RPS6KA2: variants seen among roughly 807,000 people sequenced by gnomAD.
RPS6KA2 encodes the protein ribosomal protein S6 kinase A2, also known as ribosomal protein S6 kinase alpha-2.
Under a neutral mutation model 91.8 loss-of-function variants are expected in RPS6KA2, and 42 were observed. The ratio of observed to expected loss-of-function variants is 0.46; its 90% CI spans 0.36 to 0.59. The LOEUF (loss-of-function observed/expected upper bound fraction) is 0.59. Ranked by LOEUF, RPS6KA2 falls within the 20% of genes least tolerant of loss-of-function variation. The pLI is 0.00. For missense variants in RPS6KA2, 798 were observed against 978.5 expected, an observed-to-expected ratio of 0.82 and a Z score of 2.46; for synonymous variants, 414 against 393.6, an observed-to-expected ratio of 1.05 and a Z score of -0.61.
Position 166,710,493 on chromosome 6 carries a change from T to C in RPS6KA2, c.123+147707A>G, listed in dbSNP as rs909161748. ...ATGGTATGTGTTGTGTGAGTGTGTG[T>C]GTGTGTGTGTGTGTGTGGTGTGTGT... is the stretch of plus-strand genomic sequence containing the variant. On this transcript the variant is annotated intron_variant, in intron 2 of 21. Transcript: ENST00000503859. Among the ~76,000 whole-genome samples the C allele has an allele frequency of 2.7e-5, 4 of 150,692 alleles. No individual in the cohort carries two copies. In the East Asian group the frequency reaches 7.8e-4, roughly 29 times the overall value.
intron 2 of RPS6KA2, among the ~76,000 whole-genome samples, chr6:166,538,015 C>A (rs1273517379): frequency 6.6e-6 from 1 of 152,210 alleles, no homozygotes; most frequent in Non-Finnish European, 1.5e-5. Flanking sequence ...AAGAAATTAG[C>A]TTTTATTGCT....
chr6:166,427,590 C>A (rs1179383564), intron 16 of RPS6KA2, among the ~76,000 whole-genome samples: 1 of 152,184 alleles, frequency 6.6e-6, no homozygotes, highest in Non-Finnish European at 1.5e-5. Context: ...AGCTGATAAG[C>A]AACTTCAGCA....
At chr6:166,497,479 C>G (rs1453570794) in intron 8 of RPS6KA2, among the ~76,000 whole-genome samples, 1 of 152,240 alleles carries the variant, frequency 6.6e-6, no homozygotes, top group African/African-American at 2.4e-5. Context: ...CGGAGCTGGT[C>G]TAATGTGTGT....
intron 2 of RPS6KA2, among the ~76,000 whole-genome samples, chr6:166,822,227 G>A (rs1779922376): frequency 6.6e-6 from 1 of 152,214 alleles, no homozygotes. Flanking sequence ...TTCCTGCATT[G>A]AAGTCCCGAC....
intron 2 of RPS6KA2, among the ~76,000 whole-genome samples, chr6:166,778,703 TTG>T (rs1192961103): frequency 6.6e-6 from 1 of 152,002 alleles, no homozygotes; most frequent in Non-Finnish European, 1.5e-5. Flanking sequence ...GAGGCAGAGG[TTG>T]CAGTGAGCCA....
At chr6:166,773,472 G>A (rs1778533347) in intron 2 of RPS6KA2, among the ~76,000 whole-genome samples, 1 of 152,030 alleles carries the variant, frequency 6.6e-6, no homozygotes, top group Non-Finnish European at 1.5e-5. Flanking sequence ...TGCAGTCTTG[G>A]CTCACTGCAA....
Position 166,824,576 on chromosome 6 carries a change from GTGTC to G in RPS6KA2, c.123+33620_123+33623del, listed in dbSNP as rs748619019. 9.9e-5 allele frequency among the ~76,000 whole-genome samples: 15 copies of G among 152,088 alleles called. No homozygotes were observed. The East Asian group carries it at 2.7e-3, about 27-fold the overall frequency. On this transcript the variant is annotated intron_variant, in intron 2 of 21. Transcript: ENST00000503859. ...TATATGTGTGTGTCTATGTGTGTCT[GTGTC>G]TGTGTGTGTGTGTCTGCATGTCTAA...
chr6:166,813,207 G>C (rs558272327), intron 2 of RPS6KA2, among the ~76,000 whole-genome samples: 4 of 152,114 alleles, frequency 2.6e-5, no homozygotes, highest in African/African-American at 4.8e-5. Context: ...TTTAACAAGC[G>C]GAAGCCAGCA....
intron 2 of RPS6KA2, among the ~76,000 whole-genome samples, chr6:166,657,618 G>A (rs967092669): frequency 1.1e-4 from 17 of 152,160 alleles, no homozygotes; most frequent in African/African-American, 3.4e-4. Context: ...CAGAGCATTC[G>A]ACAGATGATT....
At chr6:166,643,178 T>C (rs927920856) in intron 2 of RPS6KA2, among the ~76,000 whole-genome samples, 2 of 152,256 alleles carry the variant, frequency 1.3e-5, no homozygotes, top group African/African-American at 4.8e-5. Context: ...GGCTAATTAG[T>C]AGTTTGTAAG....
At chr6:166,658,119 T>C (rs892827908) in intron 2 of RPS6KA2, among the ~76,000 whole-genome samples, 3 of 152,166 alleles carry the variant, frequency 2.0e-5, no homozygotes, top group African/African-American at 7.2e-5. Flanking sequence ...CGACCTCAGG[T>C]GATTCGCCCA....
intron 2 of RPS6KA2, among the ~76,000 whole-genome samples, chr6:166,803,688 G>C (rs764725898): frequency 7.9e-5 from 12 of 152,142 alleles, no homozygotes; most frequent in Non-Finnish European, 1.2e-4. Flanking sequence ...TGTCAAGCAG[G>C]AAACCCCACA....
chr6:166,610,020 A>AT (rs1175506764), intron 1 of RPS6KA2, among the ~76,000 whole-genome samples: 9 of 151,920 alleles, frequency 5.9e-5, no homozygotes, highest in East Asian at 1.9e-4. Flanking sequence ...TCTCATCTTG[A>AT]TTTTTTTCTC....
chr6:166,636,492 A>T (rs182700253), intron 2 of RPS6KA2, among the ~76,000 whole-genome samples: 9 of 152,310 alleles, frequency 5.9e-5, no homozygotes, highest in Non-Finnish European at 1.3e-4. Flanking sequence ...AACTTCTGAT[A>T]ATATGTGATT....
intron 1 of RPS6KA2, among the ~76,000 whole-genome samples, chr6:166,609,461 C>G (rs1786080440): frequency 6.6e-6 from 1 of 151,784 alleles, no homozygotes; most frequent in South Asian, 2.1e-4. Flanking sequence ...ATATCAATGA[C>G]TCAGGAGCAC....
At chr6:166,424,464 T>C (rs1163729121) in intron 16 of RPS6KA2, among the ~76,000 whole-genome samples, 2 of 151,558 alleles carry the variant, frequency 1.3e-5, no homozygotes, top group East Asian at 3.9e-4. Context: ...CAGTATTTCC[T>C]GCTTCAGGAG....
At chr6:166,795,685 G>A (rs777548688) in intron 2 of RPS6KA2, among the ~76,000 whole-genome samples, 1 of 152,202 alleles carries the variant, frequency 6.6e-6, no homozygotes, top group Non-Finnish European at 1.5e-5. Context: ...TCCCTGAAGG[G>A]TCCCAGTGAT....
chr6:166,664,699 T>C (rs540956538), intron 2 of RPS6KA2, among the ~76,000 whole-genome samples: 1 of 152,334 alleles, frequency 6.6e-6, no homozygotes, highest in Admixed American at 6.5e-5. Flanking sequence ...GTTTTTTAGT[T>C]ACAAAATTCA....
At chr6:166,458,170 T>G (rs1466254402) in intron 12 of RPS6KA2, among the ~76,000 whole-genome samples, 1 of 152,204 alleles carries the variant, frequency 6.6e-6, no homozygotes, top group Non-Finnish European at 1.5e-5. Context: ...CCCACCCAAA[T>G]CTCAGGCTCT....
Sources: allele counts gnomAD v4.1 joint callset (sites outside exome capture counted in the v4.1 genomes callset), GRCh38; gene constraint gnomAD v4.1.1; transcripts MANE v1.5; gene names NCBI Gene and HGNC (gene_info 2026-07-23, HGNC 2026-07-21).